The following PLCH1 variants were observed in gnomAD, a reference collection of about 807,000 sequenced individuals.
PLCH1 encodes phospholipase C eta 1.
PLCH1 carries 60 observed loss-of-function variants against 126.7 expected under a neutral mutation model. The observed-to-expected ratio is 0.47, with a 90% CI of 0.38 to 0.59. The LOEUF (loss-of-function observed/expected upper bound fraction) is 0.59, where lower values mean the gene tolerates loss of function less well. PLCH1 is among the 20% of genes least tolerant of loss of function. The probability of loss-of-function intolerance (pLI) is 0.00; values close to 1 mark genes in which losing one functional copy is unlikely to be tolerated. For synonymous variants in PLCH1, 719 were observed against 734.9 expected (o/e 0.98, Z 0.35); for missense variants, 1,723 against 2,040.0 (o/e 0.84, Z 2.99).
chr3:155,654,751 T>C (rs569810533), intron 2 of PLCH1, among the ~76,000 whole-genome samples: 1 of 152,258 alleles, frequency 6.6e-6, no homozygotes, highest in African/African-American at 2.4e-5. Context: ...GGTCTCCCTG[T>C]CTCCTCTCAT....
At chr3:155,526,484 T>TACACACACACACACACA (rs774024945) in intron 10 of PLCH1, among the ~76,000 whole-genome samples, 3 of 94,292 alleles carry the variant, frequency 3.2e-5, no homozygotes, top group Non-Finnish European at 4.8e-5. Flanking sequence ...TTTCTCTCTC[T>TACACACACACACACACA]CTCATACACA....
intron 1 of PLCH1, among the ~76,000 whole-genome samples, chr3:155,713,445 T>C (rs1747290007): frequency 6.6e-6 from 1 of 152,164 alleles, no homozygotes; most frequent in African/African-American, 2.4e-5. Context: ...TTGGACCAAG[T>C]TCAGAAACAC....
chr3:155,693,003 C>T lies in PLCH1; in HGVS notation c.79+11143G>A, dbSNP rs556952735. On this transcript the variant is annotated intron_variant, in intron 2 of 22. Transcript: ENST00000460012. ...TTCACCGTGTTAACCAGGATGGTCT[C>T]GATCTCCTGACCTCGTGATCTGCCC... 3.0e-3 allele frequency among the ~76,000 whole-genome samples: 453 copies of T among 151,920 alleles called. 1 individual carries two copies. Among genetic ancestry groups the T allele is most frequent in the African/African-American group, 0.01 (417 of 41,512 alleles).
At chr3:155,582,130 G>A (rs1730798043) in intron 6 of PLCH1, among the ~76,000 whole-genome samples, 1 of 137,258 alleles carries the variant, frequency 7.3e-6, no homozygotes, top group Non-Finnish European at 1.5e-5. Context: ...CGCCCAGGCT[G>A]GAGTGCAGGG....
chr3:155,499,719 C>CA (rs1717602766), intron 14 of PLCH1, among the ~76,000 whole-genome samples: 1 of 152,144 alleles, frequency 6.6e-6, no homozygotes, highest in Non-Finnish European at 1.5e-5. Context: ...CTATATGTGT[C>CA]AGAGTTAAGC....
chr3:155,461,547 C>G (rs1478710306), intron 21 of PLCH1, among the ~76,000 whole-genome samples: 2 of 152,180 alleles, frequency 1.3e-5, no homozygotes, highest in Non-Finnish European at 2.9e-5. Context: ...GATTTGTTTG[C>G]CCAGACCTTC....
chr3:155,730,675 C>T (rs1353862579), intron 1 of PLCH1, among the ~76,000 whole-genome samples: 2 of 152,060 alleles, frequency 1.3e-5, no homozygotes, highest in Non-Finnish European at 2.9e-5. Context: ...AAAAGAAGAG[C>T]GAGATGGCAA....
At chr3:155,705,639 C>A (rs763606051) in intron 1 of PLCH1, among the ~76,000 whole-genome samples, 2 of 152,100 alleles carry the variant, frequency 1.3e-5, no homozygotes, top group Non-Finnish European at 2.9e-5. Flanking sequence ...TAATAATGTG[C>A]ATTTGTTTAT....
intron 11 of PLCH1, among the ~76,000 whole-genome samples, chr3:155,518,602 T>A (rs1416374739): frequency 6.6e-6 from 1 of 152,138 alleles, no homozygotes; most frequent in Non-Finnish European, 1.5e-5. Flanking sequence ...AAATACATCA[T>A]CACAATCCCT....
At chr3:155,516,770 T>C (rs1273751186) in intron 11 of PLCH1, among the ~76,000 whole-genome samples, 2 of 151,624 alleles carry the variant, frequency 1.3e-5, no homozygotes, top group Non-Finnish European at 2.9e-5. Context: ...AAAAAAACCA[T>C]GTATTGTGTT....
chr3:155,493,666 G>T (rs547854941), intron 17 of PLCH1, among the ~76,000 whole-genome samples: 1 of 152,164 alleles, frequency 6.6e-6, no homozygotes, highest in East Asian at 1.9e-4. Flanking sequence ...AATTACAGGC[G>T]TCAGCCCCCA....
rs149981533 is a variant in PLCH1, at chr3:155,497,362, C to T, written c.1852G>A (p.Val618Met). ...KLCRELSDLVVYTNSVAAQDI... is the reference protein window; with the variant it reads ...KLCRELSDLVMYTNSVAAQDI... ...TGAGCGGCCACGGAGTTTGTGTACA[C>T]AACCAAATCAGAGAGTTCTCGGCAG... Residue 618 changes from valine (V) to methionine (M), a missense_variant, in exon 15 of 23, where the codon GTG becomes ATG. Around this residue, in one of 2 missense-constraint regions of PLCH1, gnomAD observed 776 missense variants for 1,062.9 expected, o/e 0.73. Coordinates refer to ENST00000460012, the MANE Select transcript of PLCH1 (RefSeq NM_014996.4). 6 of 1,613,886 alleles carry T rather than the reference C, an allele frequency of 3.7e-6. No individual in the cohort carries two copies. The highest frequency in any genetic ancestry group is 2.7e-5 in the African/African-American group (2 of 74,922).
intron 2 of PLCH1, among the ~76,000 whole-genome samples, chr3:155,667,888 A>G (rs1742916705): frequency 7.0e-6 from 1 of 142,354 alleles, no homozygotes; most frequent in African/African-American, 2.7e-5. Flanking sequence ...AACATGGCGA[A>G]ACCCCATCTC....
Position 155,561,595 on chromosome 3 carries a change from C to T in PLCH1, c.1069+3320G>A, listed in dbSNP as rs546846094. On this transcript the variant is annotated intron_variant, in intron 8 of 22. Transcript: ENST00000460012. The stretch of plus-strand genomic sequence containing the variant: ...TGTGAATAATGCCGCAATAAACATA[C>T]GTGTGCATGTGTCTTTATAGCAGCA... Among the ~76,000 whole-genome samples the T allele has an allele frequency of 8.6e-4, 131 of 151,996 alleles. 2 individuals are homozygous for T. The South Asian group carries it at 0.024, about 28-fold the overall frequency.
chr3:155,607,359 AATAAT>A (rs774078625), intron 2 of PLCH1, among the ~76,000 whole-genome samples: 6 of 152,224 alleles, frequency 3.9e-5, no homozygotes, highest in Non-Finnish European at 7.3e-5. Flanking sequence ...TAAGTACTTA[AATAAT>A]ATATTTTGTC....
At chr3:155,529,421 C>T (rs1468557010) in intron 10 of PLCH1, among the ~76,000 whole-genome samples, 5 of 151,590 alleles carry the variant, frequency 3.3e-5, no homozygotes, top group African/African-American at 4.9e-5. Flanking sequence ...GTTTTATTTA[C>T]AGGCATACCT....
At chr3:155,624,596 T>C (rs1202306034) in intron 2 of PLCH1, among the ~76,000 whole-genome samples, 1 of 122,418 alleles carries the variant, frequency 8.2e-6, no homozygotes, top group Non-Finnish European at 1.6e-5. Context: ...AGCATTCCTA[T>C]ACACGAATAA....
At chr3:155,475,788 T>C (rs9809653), downstream of PLCH1, among the ~76,000 whole-genome samples, 59,435 of 151,720 alleles carry the variant, frequency 0.39, 15,197 homozygotes, top group African/African-American at 0.73. Context: ...CCAAACAAAT[T>C]GATAACAAGT....
Position 155,492,892 on chromosome 3 carries a change from AAC to A in PLCH1, c.2183-41_2183-40del, listed in dbSNP as rs112914325. 3.0e-3 allele frequency: 4,638 copies of A among 1,533,014 alleles called. 115 individuals carry two copies. The African/African-American group carries it at 0.056, about 18-fold the overall frequency. The allele number at this position is 1,533,014 out of a possible 1,614,324, so 95.0% of individuals were successfully genotyped here. ...AGTATAAGTTGGTAACATAAGAAGA[AAC>A]ACACACGCATGCACAGCTTAAGCTT... is the stretch of plus-strand genomic sequence containing the variant. On this transcript the variant is annotated intron_variant, in intron 17 of 22. Coordinates refer to ENST00000460012, the MANE Select transcript of PLCH1 (RefSeq NM_014996.4).
Sources: allele counts gnomAD v4.1 joint callset (sites outside exome capture counted in the v4.1 genomes callset), GRCh38; gene constraint gnomAD v4.1.1; regional missense constraint gnomAD v4.1.1; transcripts MANE v1.5; gene names NCBI Gene and HGNC (gene_info 2026-07-23, HGNC 2026-07-21).